The following DCC variants were observed in gnomAD, a reference collection of about 807,000 sequenced individuals.
DCC encodes DCC netrin 1 receptor.
Under a neutral mutation model 172.5 loss-of-function variants are expected in DCC, and 58 were observed. The observed-to-expected ratio is 0.34, with a 90% CI of 0.27 to 0.42. The LOEUF is 0.42. Among genes scored for constraint, DCC ranks in the 10% least tolerant of loss-of-function variants. The pLI is 1.00. For missense variants in DCC, 1,740 were observed against 1,791.0 expected (o/e 0.97, Z 0.51); for synonymous variants, 709 against 644.5 (o/e 1.10, Z -1.52).
chr18:52,528,315 G>A (rs551405095), intron 1 of DCC, among the ~76,000 whole-genome samples: 22 of 152,112 alleles, frequency 1.4e-4, no homozygotes, highest in African/African-American at 4.6e-4. Context: ...GATATATTTC[G>A]AATATAATGT....
chr18:53,427,943 T>TA (rs1568125030), intron 21 of DCC, among the ~76,000 whole-genome samples: 1 of 52,242 alleles, frequency 1.9e-5, no homozygotes, highest in Non-Finnish European at 4.1e-5. Flanking sequence ...ATATAATATA[T>TA]TATAATATAT....
intron 2 of DCC, among the ~76,000 whole-genome samples, chr18:52,763,437 T>C (rs373469308): frequency 6.6e-6 from 1 of 152,316 alleles, no homozygotes; most frequent in African/African-American, 2.4e-5. Context: ...ATCCTTTGAA[T>C]CCCACAGTGC....
At chr18:52,749,172 A>T (rs2036956573) in intron 1 of DCC, among the ~76,000 whole-genome samples, 1 of 152,124 alleles carries the variant, frequency 6.6e-6, no homozygotes, top group Non-Finnish European at 1.5e-5. Flanking sequence ...AGCCTGGGAG[A>T]CAGAGCCAGA....
At chr18:52,667,204 A>G (rs1383022337) in intron 1 of DCC, among the ~76,000 whole-genome samples, 3 of 152,180 alleles carry the variant, frequency 2.0e-5, no homozygotes, top group Admixed American at 2.0e-4. Context: ...TCAGCCTAGC[A>G]GCCTTCCCAG....
rs2054661086 is a variant in DCC, at chr18:53,152,691, G to A, written c.1262-4665G>A. ...ACAGTAATGGGCCAGAGAGATTAGG[G>A]CCAGACTGGAGATTAGGCCTCCAAG... On this transcript the variant is annotated intron_variant, in intron 7 of 28. Coordinates refer to ENST00000442544, the MANE Select transcript of DCC (RefSeq NM_005215.4). 2.6e-5 allele frequency among the ~76,000 whole-genome samples: 4 copies of A among 152,262 alleles called. No homozygotes were observed. In the East Asian group the frequency reaches 5.8e-4, roughly 22 times the overall value.
At chr18:53,231,607 T>A (rs1449190339) in intron 12 of DCC, among the ~76,000 whole-genome samples, 20 of 152,092 alleles carry the variant, frequency 1.3e-4, no homozygotes, top group Admixed American at 1.3e-3. Flanking sequence ...TCTAGACTTA[T>A]TTCAGGTCTG....
At chr18:53,377,038 T>C (rs992744730) in intron 15 of DCC, among the ~76,000 whole-genome samples, 1 of 152,200 alleles carries the variant, frequency 6.6e-6, no homozygotes, top group Admixed American at 6.5e-5. Flanking sequence ...TTCTGAGGAA[T>C]CAATTTCCCT....
intron 7 of DCC, among the ~76,000 whole-genome samples, chr18:53,107,540 G>GAA (rs1489253285): frequency 2.9e-4 from 18 of 61,816 alleles, no homozygotes; most frequent in African/African-American, 1.6e-3. Flanking sequence ...AAAAAAGGAA[G>GAA]GAAAAAAAAA....
chr18:52,997,521 G>A (rs375611350), intron 5 of DCC, among the ~76,000 whole-genome samples: 16 of 152,148 alleles, frequency 1.1e-4, no homozygotes, highest in East Asian at 9.6e-4. Context: ...TGACTTATTA[G>A]CAGTTAGTGT....
At chr18:52,551,661 A>G (rs918342375) in intron 1 of DCC, among the ~76,000 whole-genome samples, 4 of 151,826 alleles carry the variant, frequency 2.6e-5, no homozygotes, top group African/African-American at 9.7e-5. Context: ...CAAATTCATG[A>G]AATGATAATA....
intron 1 of DCC, among the ~76,000 whole-genome samples, chr18:52,472,884 G>A (rs1393509529): frequency 1.3e-5 from 2 of 152,104 alleles, no homozygotes; most frequent in African/African-American, 2.4e-5. Flanking sequence ...TCCAGCCTGG[G>A]TGACAGAGCA....
At chr18:52,567,864 C>T (rs1036404886) in intron 1 of DCC, among the ~76,000 whole-genome samples, 17 of 151,954 alleles carry the variant, frequency 1.1e-4, no homozygotes, top group African/African-American at 4.1e-4. Context: ...CAGGATGGAG[C>T]AGTTCTGTAC....
At chr18:53,011,912 T>C (rs2041736333) in intron 5 of DCC, among the ~76,000 whole-genome samples, 2 of 151,886 alleles carry the variant, frequency 1.3e-5, no homozygotes, top group South Asian at 4.1e-4. Context: ...TGTTTTGATA[T>C]AGTGATTAAG....
At chr18:53,357,862 G>A (rs2057894747) in intron 15 of DCC, among the ~76,000 whole-genome samples, 1 of 152,082 alleles carries the variant, frequency 6.6e-6, no homozygotes, top group African/African-American at 2.4e-5. Flanking sequence ...TTCATATTGT[G>A]TGCTGTATAA....
intron 1 of DCC, among the ~76,000 whole-genome samples, chr18:52,610,213 ATATATATATATAT>A: frequency 2.4e-5 from 2 of 82,216 alleles, no homozygotes; most frequent in Non-Finnish European, 4.6e-5. Flanking sequence ...ATATATATAT[ATATATATATATAT>A]AAAATTAGCC....
intron 5 of DCC, among the ~76,000 whole-genome samples, chr18:53,053,424 G>A (rs1420716693): frequency 6.6e-6 from 1 of 152,038 alleles, no homozygotes; most frequent in Non-Finnish European, 1.5e-5. Flanking sequence ...TGATTTTTAT[G>A]TGTCGATGTA....
chr18:53,206,289 A>T (rs1380855633), intron 10 of DCC, among the ~76,000 whole-genome samples: 1 of 133,138 alleles, frequency 7.5e-6, no homozygotes, highest in Non-Finnish European at 1.5e-5. Context: ...TATATACCAC[A>T]TATATGTATT....
At chr18:53,476,019 T>C (rs544366306) in intron 25 of DCC, among the ~76,000 whole-genome samples, 15 of 152,334 alleles carry the variant, frequency 9.8e-5, no homozygotes, top group African/African-American at 3.4e-4. Context: ...GCTTTAAGAT[T>C]TGACTGCCCT....
intron 2 of DCC, among the ~76,000 whole-genome samples, chr18:52,820,531 AAATTATACTG>A: frequency 6.6e-6 from 1 of 152,256 alleles, no homozygotes; most frequent in East Asian, 1.9e-4. Context: ...GGTCCATCCA[AAATTATACTG>A]AATTATACTG....
Sources: gnomAD v4.1 joint callset for allele counts (sites outside exome capture counted in the v4.1 genomes callset) on GRCh38, gnomAD v4.1.1 for gene constraint, MANE v1.5 for transcripts, NCBI Gene and HGNC (gene_info 2026-07-23, HGNC 2026-07-21) for gene names.